FANCB: variants seen among roughly 807,000 people sequenced by gnomAD.
The protein encoded by FANCB is FA complementation group B, also known as Fanconi anemia group B protein.
FANCB carries 5 observed loss-of-function variants against 38.9 expected under a neutral mutation model. That is an observed-to-expected ratio of 0.13 (90% CI 0.07 to 0.27). FANCB has a LOEUF of 0.27. Ranked by LOEUF, FANCB falls within the 10% of genes least tolerant of loss-of-function variation. The probability of loss-of-function intolerance (pLI) is 1.00; values close to 1 mark genes in which losing one functional copy is unlikely to be tolerated. For synonymous variants in FANCB, 236 were observed against 215.4 expected (o/e 1.10, Z -0.84); for missense variants, 573 against 602.7 (o/e 0.95, Z 0.52).
rs1296333300 is a variant in FANCB, at chrX:14,853,114, T to G, written c.1251A>C (p.Lys417Asn). 8 of 1,203,265 alleles carry G rather than the reference T, an allele frequency of 6.6e-6. No individual in the cohort carries two copies. The highest frequency in any genetic ancestry group is 7.9e-6 in the Non-Finnish European group (7 of 889,941). Reference protein sequence around the residue: ...ELRQHLLLKEKIISKSYKALI... With the variant: ...ELRQHLLLKENIISKSYKALI... ...AAGCTTTGTAAGATTTTGAAATAATTTTTTCCTTAAGCAACAGATGCTGCC... is the reference window on the plus strand; with the variant it reads ...AAGCTTTGTAAGATTTTGAAATAATGTTTTCCTTAAGCAACAGATGCTGCC... The change falls in exon 6 of 10, where the codon AAA (lysine) becomes AAC (asparagine). Residue 417 changes from lysine to asparagine, a missense_variant. Lys to Asn is a moderately conservative substitution (Grantham distance 94). Transcript: ENST00000650831.
intron 1 of FANCB, among the ~76,000 whole-genome samples, chrX:14,871,932 C>T (rs983377455): frequency 4.5e-5 from 5 of 110,375 alleles, no homozygotes; most frequent in African/African-American, 1.7e-4. Flanking sequence ...GTTACTATCC[C>T]ATTTTATAGA....
At chrX:14,814,433 A>G in the FANCB span, among the ~76,000 whole-genome samples, 1 of 112,438 alleles carries the variant, frequency 8.9e-6, no homozygotes, top group Non-Finnish European at 1.9e-5. Flanking sequence ...TCATCTAACA[A>G]AGGGCTAATA....
the FANCB span, among the ~76,000 whole-genome samples, chrX:14,771,262 G>A: frequency 1.7e-4 from 19 of 111,185 alleles, no homozygotes; most frequent in South Asian, 7.2e-3. Context: ...GTCTCTCTCA[G>A]GTACCCCAAT....
At chrX:14,809,933 C>A in the FANCB span, among the ~76,000 whole-genome samples, 2 of 112,144 alleles carry the variant, frequency 1.8e-5, no homozygotes, top group Non-Finnish European at 3.8e-5. Flanking sequence ...AGGCACCCCC[C>A]AGTAGGGGCA....
the FANCB span, among the ~76,000 whole-genome samples, chrX:14,755,325 C>T: frequency 2.7e-5 from 3 of 111,222 alleles, no homozygotes; most frequent in Non-Finnish European, 5.7e-5. Context: ...GAAAATAATA[C>T]AAATTGAAAA....
At chrX:14,848,307 G>C (rs981744933) in intron 7 of FANCB, among the ~76,000 whole-genome samples, 29 of 112,179 alleles carry the variant, frequency 2.6e-4, no homozygotes, top group Admixed American at 1.3e-3. Flanking sequence ...TGGACGTGCA[G>C]TCAGGGAGGT....
the FANCB span, among the ~76,000 whole-genome samples, chrX:14,756,115 A>T: frequency 8.9e-6 from 1 of 112,355 alleles, no homozygotes; most frequent in African/African-American, 3.2e-5. Flanking sequence ...GGAAAACTGA[A>T]TGTCCACATG....
the FANCB span, among the ~76,000 whole-genome samples, chrX:14,779,612 T>G: frequency 8.9e-6 from 1 of 112,021 alleles, no homozygotes; most frequent in African/African-American, 3.3e-5. Context: ...GCCTTAATCT[T>G]GGACTTCCCA....
chrX:14,730,850 T>C, the FANCB span: 3 of 178,541 alleles, frequency 1.7e-5, no homozygotes, highest in Non-Finnish European at 3.1e-5. Flanking sequence ...CCTTTTGGTT[T>C]GGTTTGGCTT....
At chrX:14,784,344 G>C in the FANCB span, among the ~76,000 whole-genome samples, 1 of 112,223 alleles carries the variant, frequency 8.9e-6, no homozygotes, top group Non-Finnish European at 1.9e-5. Context: ...GGAGGTCCTA[G>C]AGGATAATTC....
the FANCB span, among the ~76,000 whole-genome samples, chrX:14,813,873 T>A: frequency 9.0e-6 from 1 of 111,293 alleles, no homozygotes; most frequent in African/African-American, 3.3e-5. Flanking sequence ...GCCAAGACAA[T>A]CCTAAGCCAA....
chrX:14,766,514 G>A, the FANCB span, among the ~76,000 whole-genome samples: 2 of 111,476 alleles, frequency 1.8e-5, no homozygotes, highest in African/African-American at 3.3e-5. Context: ...CTGACTCAAC[G>A]AAGCTTTGTA....
the FANCB span, among the ~76,000 whole-genome samples, chrX:14,727,575 C>A: frequency 8.9e-6 from 1 of 112,093 alleles, no homozygotes; most frequent in African/African-American, 3.2e-5. Context: ...CTGAGTAAGT[C>A]TTCAGATAGT....
chrX:14,734,589 T>G, the FANCB span, among the ~76,000 whole-genome samples: 2 of 112,285 alleles, frequency 1.8e-5, no homozygotes, highest in Non-Finnish European at 3.8e-5. Flanking sequence ...TTTAGAGAGA[T>G]CCACTGTTAG....
the FANCB span, among the ~76,000 whole-genome samples, chrX:14,796,599 TTA>T: frequency 2.1e-5 from 2 of 96,628 alleles, no homozygotes; most frequent in Admixed American, 1.3e-4. Context: ...ATATTATATA[TTA>T]TATATGTTAC....
the FANCB span, chrX:14,690,745 G>T: frequency 8.3e-7 from 1 of 1,204,990 alleles, no homozygotes; most frequent in East Asian, 3.0e-5. Context: ...TCTGGATGGC[G>T]GTGTGCCTTC....
At chrX:14,709,227 C>T in the FANCB span, among the ~76,000 whole-genome samples, 138 of 111,013 alleles carry the variant, frequency 1.2e-3, no homozygotes, top group Non-Finnish European at 1.9e-3. Flanking sequence ...GAGCAAGACC[C>T]TGTCTCTTTA....
chrX:14,725,961 A>G, the FANCB span, among the ~76,000 whole-genome samples: 1 of 112,461 alleles, frequency 8.9e-6, no homozygotes, highest in East Asian at 2.8e-4. Flanking sequence ...GTGAATAACA[A>G]AAGAGGGTCA....
At chrX:14,862,072 C>T (rs1346801338) in intron 3 of FANCB, among the ~76,000 whole-genome samples, 1 of 112,344 alleles carries the variant, frequency 8.9e-6, no homozygotes, top group Non-Finnish European at 1.9e-5. Context: ...GCTGGGATTA[C>T]AGGCATGAGC....
Sources: allele counts gnomAD v4.1 joint callset (sites outside exome capture counted in the v4.1 genomes callset), GRCh38; gene constraint gnomAD v4.1.1; transcripts MANE v1.5; gene names NCBI Gene and HGNC (gene_info 2026-07-23, HGNC 2026-07-21).